C1orf21: variants seen among roughly 807,000 people sequenced by gnomAD.
The protein encoded by C1orf21 is uncharacterized protein C1orf21.
C1orf21 carries 3 observed loss-of-function variants against 18.7 expected under a neutral mutation model. That is an observed-to-expected ratio of 0.16 (90% CI 0.07 to 0.42). C1orf21 has a LOEUF of 0.42. Among genes scored for constraint, C1orf21 ranks in the 10% least tolerant of loss-of-function variants. The pLI, the probability that C1orf21 is intolerant of heterozygous loss-of-function variation, is 0.99. For synonymous variants in C1orf21, 41 were observed against 46.4 expected (o/e 0.88, Z 0.47); for missense variants, 104 against 143.6 (o/e 0.72, Z 1.41).
At chr1:184,592,675 A>T (rs1209999869) in intron 4 of C1orf21, among the ~76,000 whole-genome samples, 2 of 148,586 alleles carry the variant, frequency 1.3e-5, no homozygotes, top group African/African-American at 2.4e-5. Context: ...TGATAGCCCC[A>T]TAAATCAAAA....
intron 3 of C1orf21, among the ~76,000 whole-genome samples, chr1:184,527,514 G>A (rs1658395031): frequency 6.6e-6 from 1 of 152,174 alleles, no homozygotes; most frequent in African/African-American, 2.4e-5. Context: ...AGAAGATCAG[G>A]TGAGGAACAG....
chr1:184,612,351 C>T (rs1164751413), intron 5 of C1orf21, among the ~76,000 whole-genome samples: 1 of 152,228 alleles, frequency 6.6e-6, no homozygotes, highest in African/African-American at 2.4e-5. Flanking sequence ...CTTGACCGGA[C>T]TTGTTTGCTG....
chr1:184,561,456 A>T (rs183172937), intron 3 of C1orf21, among the ~76,000 whole-genome samples: 3 of 152,284 alleles, frequency 2.0e-5, no homozygotes, highest in East Asian at 1.9e-4. Flanking sequence ...GCATTTTAGG[A>T]TCAGTAGATT....
chr1:184,412,613 G>A (rs1419670847), intron 1 of C1orf21, among the ~76,000 whole-genome samples: 1 of 151,914 alleles, frequency 6.6e-6, no homozygotes, highest in Non-Finnish European at 1.5e-5. Context: ...TTCTGTTATA[G>A]CCTGGGCAAC....
At chr1:184,504,726 G>T (rs917199113) in intron 2 of C1orf21, among the ~76,000 whole-genome samples, 1 of 152,130 alleles carries the variant, frequency 6.6e-6, no homozygotes, top group South Asian at 2.1e-4. Context: ...GTTTTATACC[G>T]TGATGGATTT....
chr1:184,432,588 A>G (rs1656782856), intron 1 of C1orf21, among the ~76,000 whole-genome samples: 1 of 152,120 alleles, frequency 6.6e-6, no homozygotes. Context: ...TGATGGGTGC[A>G]GCAAACCACC....
chr1:184,467,797 G>T (rs1257680277), intron 1 of C1orf21, among the ~76,000 whole-genome samples: 2 of 152,068 alleles, frequency 1.3e-5, no homozygotes, highest in East Asian at 1.9e-4. Context: ...ACTACTATGT[G>T]CCAGGTGCTG....
At chr1:184,591,514 T>A (rs1659435586) in intron 4 of C1orf21, among the ~76,000 whole-genome samples, 1 of 152,132 alleles carries the variant, frequency 6.6e-6, no homozygotes, top group South Asian at 2.1e-4. Context: ...CAAATGTCCA[T>A]TGAAAATATA....
At chr1:184,428,958 C>A (rs1557970014) in intron 1 of C1orf21, among the ~76,000 whole-genome samples, 1 of 152,070 alleles carries the variant, frequency 6.6e-6, no homozygotes, top group Non-Finnish European at 1.5e-5. Flanking sequence ...GGTCACCCTG[C>A]CCCCCAGCTT....
intron 4 of C1orf21, among the ~76,000 whole-genome samples, chr1:184,593,349 A>T (rs889239918): frequency 6.6e-6 from 1 of 152,078 alleles, no homozygotes; most frequent in Non-Finnish European, 1.5e-5. Flanking sequence ...GGATTCCTGG[A>T]ATTCAATTAA....
intron 2 of C1orf21, among the ~76,000 whole-genome samples, chr1:184,497,608 T>C (rs577454711): frequency 6.6e-6 from 1 of 152,206 alleles, no homozygotes; most frequent in South Asian, 2.1e-4. Flanking sequence ...TGTAATTTTA[T>C]CACAGAAGAT....
intron 3 of C1orf21, among the ~76,000 whole-genome samples, chr1:184,518,694 A>G (rs778560208): frequency 9.2e-5 from 14 of 152,166 alleles, no homozygotes; most frequent in South Asian, 2.1e-4. Context: ...CCAGTACAAC[A>G]TATCTCTTGA....
chr1:184,471,362 T>C (rs1473605359), intron 1 of C1orf21, among the ~76,000 whole-genome samples: 1 of 152,164 alleles, frequency 6.6e-6, no homozygotes, highest in Non-Finnish European at 1.5e-5. Flanking sequence ...CTCCTGAAAA[T>C]TTTGAGGTTT....
intron 1 of C1orf21, among the ~76,000 whole-genome samples, chr1:184,446,665 A>G (rs1473103636): frequency 6.6e-6 from 1 of 152,036 alleles, no homozygotes; most frequent in Non-Finnish European, 1.5e-5. Context: ...GACTAAAGAC[A>G]CTTGTCAGCC....
rs1398295419 is a variant in C1orf21, at chr1:184,590,807, C to G, written c.258C>G (p.Pro86=). 1 of 1,613,566 alleles carries G rather than the reference C, an allele frequency of 6.2e-7. No homozygotes were observed. Among genetic ancestry groups the G allele is most frequent in the Non-Finnish European group, 8.5e-7 (1 of 1,179,552 alleles). The change falls in exon 4 of 6, where the codon CCC becomes CCG. Residue 86 remains proline, a synonymous_variant. Coordinates refer to ENST00000235307, the MANE Select transcript of C1orf21 (RefSeq NM_030806.4). Reference sequence around the variant, plus strand: ...AGGTTCCGGGATTAGTTCATCAACCCAGAGCAAAGTAAGTTCTAGTTTCTG... The same window carrying G: ...AGGTTCCGGGATTAGTTCATCAACCGAGAGCAAAGTAAGTTCTAGTTTCTG... ...NKEVPGLVHQ[P]RANMHISESQ... is the part of the protein sequence containing the mutation.
chr1:184,549,570 T>A (rs1658782660), intron 3 of C1orf21, among the ~76,000 whole-genome samples: 1 of 152,070 alleles, frequency 6.6e-6, no homozygotes, highest in Non-Finnish European at 1.5e-5. Context: ...ATTGTATTCC[T>A]TACTCATACT....
At chr1:184,483,382 C>A (rs567706959) in intron 2 of C1orf21, among the ~76,000 whole-genome samples, 2 of 152,312 alleles carry the variant, frequency 1.3e-5, no homozygotes, top group East Asian at 3.9e-4. Context: ...GTGCATAGAA[C>A]ACATTTAGGC....
chr1:184,396,500 G>A (rs1656053298), intron 1 of C1orf21, among the ~76,000 whole-genome samples: 1 of 152,180 alleles, frequency 6.6e-6, no homozygotes, highest in Non-Finnish European at 1.5e-5. Flanking sequence ...AGCTGTGGAA[G>A]CTAATAGCCA....
chr1:184,628,576 G>A lies in C1orf21; in HGVS notation c.*9020G>A, dbSNP rs1018218376. 1 of 152,530 alleles carries A rather than the reference G, an allele frequency of 6.6e-6. No homozygotes were observed. Among genetic ancestry groups the A allele is most frequent in the Non-Finnish European group, 1.5e-5 (1 of 68,036 alleles). 9.4% of individuals were successfully genotyped at this position (152,530 alleles called of 1,614,324 possible). ...GAATCCCCAGGAACTTCAAATCTGG[G>A]AGATGAGGAAAGAAAACTCACTCAC... is the stretch of plus-strand genomic sequence containing the variant. On this transcript the variant is annotated 3_prime_UTR_variant, in exon 6 of 6. Transcript: ENST00000235307.
Sources: gnomAD v4.1 joint callset for allele counts (sites outside exome capture counted in the v4.1 genomes callset) on GRCh38, gnomAD v4.1.1 for gene constraint, MANE v1.5 for transcripts, NCBI Gene and HGNC (gene_info 2026-07-23, HGNC 2026-07-21) for gene names.